The following HVCN1 variants were observed in gnomAD, a reference collection of about 807,000 sequenced individuals.
HVCN1 encodes the protein voltage-gated hydrogen channel 1.
A neutral mutation model predicts 29.2 loss-of-function variants in HVCN1; 14 were observed. The observed-to-expected ratio is 0.48, with a 90% confidence interval of 0.32 to 0.75. The LOEUF (loss-of-function observed/expected upper bound fraction) is 0.75, where lower values mean the gene tolerates loss of function less well. HVCN1 is among the 30% of genes least tolerant of loss of function. The pLI is 0.04. For missense variants in HVCN1, 263 were observed against 341.8 expected (o/e 0.77, Z 1.82); for synonymous variants, 131 against 133.2 (o/e 0.98, Z 0.11).
At chr12:110,654,471 CTTT>C (rs1199046571) in intron 5 of HVCN1, among the ~76,000 whole-genome samples, 1 of 112,584 alleles carries the variant, frequency 8.9e-6, no homozygotes, top group Non-Finnish European at 1.8e-5. Flanking sequence ...GGGGGAAATG[CTTT>C]TTTTTTTTTT....
intron 2 of HVCN1, among the ~76,000 whole-genome samples, chr12:110,699,256 C>T (rs1293510295): frequency 6.6e-6 from 1 of 152,240 alleles, no homozygotes. Flanking sequence ...TCTCGGCACA[C>T]TCGCTGGGTC....
At chr12:110,697,566 C>G (rs891077328) in intron 2 of HVCN1, among the ~76,000 whole-genome samples, 3 of 152,068 alleles carry the variant, frequency 2.0e-5, no homozygotes, top group African/African-American at 7.2e-5. Flanking sequence ...CACTGGAGTC[C>G]CCCCAAGACT....
intron 2 of HVCN1, among the ~76,000 whole-genome samples, chr12:110,685,792 C>T (rs2069158455): frequency 1.3e-5 from 2 of 152,026 alleles, no homozygotes; most frequent in South Asian, 2.1e-4. Flanking sequence ...TGGACTCAAG[C>T]GATCCTCCCA....
At chr12:110,655,937 C>G (rs2067976071) in intron 4 of HVCN1, among the ~76,000 whole-genome samples, 1 of 152,132 alleles carries the variant, frequency 6.6e-6, no homozygotes, top group African/African-American at 2.4e-5. Flanking sequence ...GCTCCTAACC[C>G]CAAGTGATCC....
At chr12:110,654,890 A>T (rs2067937763) in intron 5 of HVCN1, among the ~76,000 whole-genome samples, 1 of 152,098 alleles carries the variant, frequency 6.6e-6, no homozygotes, top group Admixed American at 6.5e-5. Flanking sequence ...CAGTGAATAA[A>T]CAGCAGATCC....
chr12:110,695,307 C>G (rs1174451792), intron 2 of HVCN1, among the ~76,000 whole-genome samples: 26 of 151,548 alleles, frequency 1.7e-4, no homozygotes, highest in Admixed American at 1.7e-3. Flanking sequence ...TATATATAAA[C>G]ATTTCTATAA....
intron 4 of HVCN1, among the ~76,000 whole-genome samples, chr12:110,659,348 A>G (rs2068089770): frequency 6.6e-6 from 1 of 152,040 alleles, no homozygotes; most frequent in African/African-American, 2.4e-5. Context: ...TTTCTCTTTT[A>G]CCCTGGAATA....
At position 110,694,795 on chromosome 12, in the gene HVCN1, G is replaced by GT. The variant is rs1365016393; in HGVS notation, c.-103-6088dup. Among the ~76,000 whole-genome samples the GT allele has an allele frequency of 6.6e-6, 1 of 152,240 alleles. No homozygotes were observed. Among genetic ancestry groups the GT allele is most frequent in the African/African-American group, 2.4e-5 (1 of 41,450 alleles). ...CACCGATGCCTGATGACGCAGCTAT[G>GT]TGAAAAGGGCACGGTCACCTCCAAC... On this transcript the variant is annotated intron_variant, in intron 2 of 4. Transcript: ENST00000546713. The surrounding 1 kb of genome is among the most constrained non-coding windows in gnomAD (Gnocchi z 4.6).
intron 2 of HVCN1, among the ~76,000 whole-genome samples, chr12:110,695,842 G>C (rs1486351511): frequency 6.6e-6 from 1 of 152,186 alleles, no homozygotes; most frequent in Non-Finnish European, 1.5e-5. Flanking sequence ...AGGGTGAAGA[G>C]AGTCATAAGA....
intron 3 of HVCN1, among the ~76,000 whole-genome samples, chr12:110,664,447 G>T (rs1414803274): frequency 1.3e-5 from 2 of 152,176 alleles, no homozygotes; most frequent in Non-Finnish European, 2.9e-5. Context: ...TATTGTTTTG[G>T]AATGTGTAAA....
intron 2 of HVCN1, among the ~76,000 whole-genome samples, chr12:110,695,582 T>A (rs1210656600): frequency 6.6e-6 from 1 of 151,990 alleles, no homozygotes; most frequent in Non-Finnish European, 1.5e-5. Context: ...TGCAAAGGAA[T>A]GAGCTGGGGG....
At chr12:110,678,166 G>A (rs2068809954) in intron 3 of HVCN1, among the ~76,000 whole-genome samples, 1 of 152,202 alleles carries the variant, frequency 6.6e-6, no homozygotes. Flanking sequence ...AGGTCACACA[G>A]CCAGCGAGAA....
chr12:110,682,116 C>T (rs1224483679), intron 3 of HVCN1, among the ~76,000 whole-genome samples: 1 of 152,096 alleles, frequency 6.6e-6, no homozygotes, highest in Non-Finnish European at 1.5e-5. Flanking sequence ...TCCTCCTAAG[C>T]AGCTGGGATT....
intron 4 of HVCN1, among the ~76,000 whole-genome samples, chr12:110,655,710 T>G (rs886392971): frequency 2.0e-5 from 3 of 151,708 alleles, no homozygotes; most frequent in Non-Finnish European, 4.4e-5. Flanking sequence ...AATCAGTTTT[T>G]TTTTTTTTTT....
intron 3 of HVCN1, among the ~76,000 whole-genome samples, chr12:110,671,725 C>T (rs150901509): frequency 6.6e-6 from 1 of 152,350 alleles, no homozygotes; most frequent in East Asian, 1.9e-4. Flanking sequence ...GGGCCCAAAA[C>T]CACTTGGAGA....
intron 4 of HVCN1, among the ~76,000 whole-genome samples, chr12:110,656,190 G>A (rs79439779): frequency 0.032 from 4,897 of 152,328 alleles, 128 homozygotes; most frequent in Middle Eastern, 0.061. Flanking sequence ...GCTTCTGCCT[G>A]GAGATGCGAG....
chr12:110,701,044 C>T (rs2069558856), intron 2 of HVCN1, among the ~76,000 whole-genome samples: 1 of 152,196 alleles, frequency 6.6e-6, no homozygotes, highest in South Asian at 2.1e-4. Flanking sequence ...GAAGTTAGAC[C>T]AACACAGAGC....
At chr12:110,693,412 C>T (rs982966738), upstream of HVCN1, among the ~76,000 whole-genome samples, 7 of 151,988 alleles carry the variant, frequency 4.6e-5, no homozygotes, top group Admixed American at 3.3e-4. Context: ...GGTGTGGTAG[C>T]GCATGCCTGT....
chr12:110,651,152 C>T, intron 6 of HVCN1, 65 bp downstream of exon 6: 1 of 1,229,498 alleles, frequency 8.1e-7, no homozygotes, highest in Non-Finnish European at 1.2e-6. Flanking sequence ...ACTGCGCAGT[C>T]AGGCCTTGGA....
Sources: allele counts gnomAD v4.1 joint callset (sites outside exome capture counted in the v4.1 genomes callset), GRCh38; gene constraint gnomAD v4.1.1; non-coding constraint Gnocchi (gnomAD v3.1); transcripts MANE v1.5; gene names NCBI Gene and HGNC (gene_info 2026-07-23, HGNC 2026-07-21).